TMEM272: variants seen among roughly 807,000 people sequenced by gnomAD.
TMEM272 encodes long intergenic non-protein coding RNA 282.
Under a neutral mutation model 3.7 loss-of-function variants are expected in TMEM272, and 8 were observed. The ratio of observed to expected loss-of-function variants is 2.17; its 90% CI spans 1.27 to 3.91. The LOEUF is 3.91. TMEM272 is among the 30% of genes most tolerant of loss of function. TMEM272 has a pLI of 0.00. For synonymous variants in TMEM272, 63 were observed against 39.8 expected, an observed-to-expected ratio of 1.58 and a Z score of -2.20; for missense variants, 166 against 91.5, an observed-to-expected ratio of 1.81 and a Z score of -3.32.
At chr13:51,838,323 C>T (rs972904979) in intron 2 of TMEM272, 150 bp downstream of exon 2, 43 of 657,366 alleles carry the variant, frequency 6.5e-5, no homozygotes, top group South Asian at 4.1e-4. Context: ...AACCGAGGGC[C>T]GGACACTGTC....
chr13:51,847,357 C>A (rs1956312364), upstream of TMEM272, among the ~76,000 whole-genome samples: 1 of 152,182 alleles, frequency 6.6e-6, no homozygotes, highest in African/African-American at 2.4e-5. Context: ...GTGAACTGTG[C>A]ATGCCAGAAA....
the TMEM272 span, among the ~76,000 whole-genome samples, chr13:51,924,636 TG>T: frequency 2.6e-5 from 4 of 152,268 alleles, no homozygotes; most frequent in African/African-American, 7.2e-5. Context: ...AGAGCACTGC[TG>T]GCTGTGCCTG....
At chr13:51,857,460 T>C in the TMEM272 span, among the ~76,000 whole-genome samples, 1 of 152,216 alleles carries the variant, frequency 6.6e-6, no homozygotes, top group South Asian at 2.1e-4. Context: ...GTCTTGAATA[T>C]ACGCAGAATT....
the TMEM272 span, among the ~76,000 whole-genome samples, chr13:51,863,517 G>T: frequency 6.6e-6 from 1 of 152,106 alleles, no homozygotes; most frequent in East Asian, 1.9e-4. Context: ...CTGGATCTCG[G>T]CTAGGAGGGC....
chr13:51,880,742 G>A, the TMEM272 span, among the ~76,000 whole-genome samples: 8 of 152,244 alleles, frequency 5.3e-5, no homozygotes, highest in Non-Finnish European at 7.4e-5. Flanking sequence ...AGGCCCCACC[G>A]TCCCATGGGT....
chr13:51,849,635 A>C (rs1956322114), upstream of TMEM272, among the ~76,000 whole-genome samples: 1 of 151,176 alleles, frequency 6.6e-6, no homozygotes, highest in African/African-American at 2.5e-5. Context: ...CCCCAATTTC[A>C]GCGGTCGCAG....
chr13:51,880,938 T>G, the TMEM272 span, among the ~76,000 whole-genome samples: 1 of 152,120 alleles, frequency 6.6e-6, no homozygotes, highest in South Asian at 2.1e-4. Flanking sequence ...CCCAAAAACC[T>G]ATGGAAATAA....
chr13:51,910,737 A>T, the TMEM272 span: 1 of 375,592 alleles, frequency 2.7e-6, no homozygotes, highest in Admixed American at 3.8e-5. Context: ...AGGCAACCGG[A>T]GCGGACCACT....
chr13:51,889,154 A>G, the TMEM272 span, among the ~76,000 whole-genome samples: 1 of 152,210 alleles, frequency 6.6e-6, no homozygotes, highest in East Asian at 1.9e-4. Context: ...TCTTAGCAAT[A>G]AATTTCTGGG....
intron 4 of TMEM272, among the ~76,000 whole-genome samples, chr13:51,820,267 T>C (rs1029708319): frequency 1.3e-5 from 2 of 152,228 alleles, no homozygotes; most frequent in African/African-American, 2.4e-5. Context: ...AATGCAATAC[T>C]GTGAAGCTAT....
intron 1 of TMEM272, among the ~76,000 whole-genome samples, chr13:51,842,535 C>T (rs902612894): frequency 6.6e-5 from 10 of 152,166 alleles, no homozygotes; most frequent in Admixed American, 5.9e-4. Flanking sequence ...ATTACAAAAG[C>T]GAATTCACAG....
At chr13:51,878,297 G>A in the TMEM272 span, among the ~76,000 whole-genome samples, 1 of 152,142 alleles carries the variant, frequency 6.6e-6, no homozygotes, top group Non-Finnish European at 1.5e-5. Flanking sequence ...AGGCGTCGTG[G>A]CAGGCACCTG....
At chr13:51,928,902 A>T in the TMEM272 span, among the ~76,000 whole-genome samples, 1 of 152,194 alleles carries the variant, frequency 6.6e-6, no homozygotes, top group East Asian at 1.9e-4. Context: ...TTCAAGCCTT[A>T]AAAAAAGTTA....
the TMEM272 span, among the ~76,000 whole-genome samples, chr13:51,927,318 C>T: frequency 1.3e-5 from 2 of 152,134 alleles, no homozygotes. Flanking sequence ...TGCCACGGCC[C>T]ACTCGCTGCT....
chr13:51,916,714 C>G, the TMEM272 span, among the ~76,000 whole-genome samples: 1 of 152,154 alleles, frequency 6.6e-6, no homozygotes, highest in African/African-American at 2.4e-5. Flanking sequence ...TCCAAGAAAT[C>G]CTTAAGTTTC....
chr13:51,858,263 C>T, the TMEM272 span, among the ~76,000 whole-genome samples: 1 of 152,110 alleles, frequency 6.6e-6, no homozygotes, highest in Non-Finnish European at 1.5e-5. Flanking sequence ...AGAGAGAACA[C>T]TGCATCAAGC....
chr13:51,912,252 T>C, the TMEM272 span, among the ~76,000 whole-genome samples: 2 of 152,158 alleles, frequency 1.3e-5, no homozygotes, highest in Non-Finnish European at 2.9e-5. Context: ...ATTCGGTAAT[T>C]ATTAAGAAGT....
chr13:51,865,564 AGAG>A, the TMEM272 span: 1 of 1,614,230 alleles, frequency 6.2e-7, no homozygotes, highest in Non-Finnish European at 8.5e-7. Context: ...GTGAAAAAAT[AGAG>A]GACTTCAGGG....
At chr13:51,902,037 T>C in the TMEM272 span, among the ~76,000 whole-genome samples, 3 of 152,192 alleles carry the variant, frequency 2.0e-5, no homozygotes, top group Non-Finnish European at 4.4e-5. Context: ...AAAGGTCATG[T>C]AATAAAAAAA....
Sources: allele counts gnomAD v4.1 joint callset (sites outside exome capture counted in the v4.1 genomes callset), GRCh38; gene constraint gnomAD v4.1.1; transcripts MANE v1.5; gene names NCBI Gene and HGNC (gene_info 2026-07-23, HGNC 2026-07-21).